RERGL: variants seen among roughly 807,000 people sequenced by gnomAD.
RERGL encodes RERG like, also known as ras-related and estrogen-regulated growth inhibitor-like protein.
In RERGL, 22 loss-of-function variants were observed where a neutral mutation model predicts 24.7. The ratio of observed to expected loss-of-function variants is 0.89; its 90% CI spans 0.64 to 1.27. RERGL has a LOEUF of 1.27. Ranked by LOEUF, RERGL falls within the 50% of genes most tolerant of loss-of-function variation. The pLI is 0.00. For missense variants in RERGL, 259 were observed against 235.3 expected (o/e 1.10, Z -0.66); for synonymous variants, 76 against 82.6 (o/e 0.92, Z 0.43).
At chr12:18,083,240 C>A (rs1422368058) in intron 4 of RERGL, among the ~76,000 whole-genome samples, 2 of 152,012 alleles carry the variant, frequency 1.3e-5, no homozygotes, top group African/African-American at 4.8e-5. Context: ...CTTTCCTAGT[C>A]TTTTTACAGA....
intron 2 of RERGL, among the ~76,000 whole-genome samples, chr12:18,088,228 C>A (rs1423295626): frequency 6.6e-6 from 1 of 151,958 alleles, no homozygotes; most frequent in Non-Finnish European, 1.5e-5. Flanking sequence ...AAGATATTAG[C>A]ACCATTATAT....
chr12:18,085,601 G>T lies in RERGL; in HGVS notation c.183+19C>A, dbSNP rs760002003. ...AATCAATAAATAAATCAATAAAAAA[G>T]GTGTTTTGTTTTACTTACTTGAGAA... On this transcript the variant is annotated intron_variant, in intron 3 of 4. Coordinates refer to ENST00000538724, the MANE Select transcript of RERGL (RefSeq NM_001286201.2). 6.5e-6 allele frequency: 9 copies of T among 1,386,200 alleles called. No homozygotes were observed. The highest frequency in any genetic ancestry group is 2.4e-5 in the East Asian group (1 of 42,188). 85.9% of individuals were successfully genotyped at this position (1,386,200 alleles called of 1,614,324 possible). A position where few individuals can be genotyped will look rare whatever the true frequency, so the allele number is the denominator to read the frequency against.
intron 1 of RERGL, 85 bp downstream of exon 1, chr12:18,090,004 A>T: frequency 1.1e-6 from 1 of 894,036 alleles, no homozygotes; most frequent in South Asian, 2.3e-5. Flanking sequence ...TGAAATATAT[A>T]TGAAATACGT....
chr12:18,088,759 C>G lies in RERGL; in HGVS notation c.109+141G>C, dbSNP rs1359105186. 3 of 667,118 alleles carry G rather than the reference C, an allele frequency of 4.5e-6. No homozygotes were observed. The Admixed American group carries it at 8.5e-5, about 19-fold the overall frequency. 41.3% of individuals were successfully genotyped at this position (667,118 alleles called of 1,614,324 possible). A position where few individuals can be genotyped will look rare whatever the true frequency, so the allele number is the denominator to read the frequency against. On this transcript the variant is annotated intron_variant, in intron 2 of 4. Coordinates refer to ENST00000538724, the MANE Select transcript of RERGL (RefSeq NM_001286201.2). ...AATTCAAGTACCTATTTTGGCAGTTCTAATCAGAATATGTGAATAAATAAA... is the reference window on the plus strand; with the variant it reads ...AATTCAAGTACCTATTTTGGCAGTTGTAATCAGAATATGTGAATAAATAAA...
chr12:18,082,155 A>AT (rs1555117860), intron 4 of RERGL, among the ~76,000 whole-genome samples: 21 of 151,520 alleles, frequency 1.4e-4, no homozygotes, highest in African/African-American at 2.7e-4. Context: ...AAAAAAAAAA[A>AT]AAAAGAATGA....
At position 18,084,694 on chromosome 12, in the gene RERGL, G is replaced by T; in HGVS notation, c.184-29C>A. The T allele has an allele frequency of 4.4e-6, 7 of 1,598,690 alleles. No individual in the cohort carries two copies. In the South Asian group the frequency reaches 7.9e-5, roughly 18 times the overall value. ...AAAATAAACCAAGTGCATTAAAAGT[G>T]GTGGGATCTAATACCTGTGTTTTTA... is the stretch of plus-strand genomic sequence containing the variant. On this transcript the variant is annotated intron_variant, in intron 3 of 4. Transcript: ENST00000538724.
At chr12:18,081,657 A>G (rs977979638) in intron 4 of RERGL, among the ~76,000 whole-genome samples, 184 bp from the exon 5 acceptor site, 7 of 152,174 alleles carry the variant, frequency 4.6e-5, no homozygotes, top group Admixed American at 4.6e-4. Context: ...AAATCATTTT[A>G]GATAAAATGT....
intron 4 of RERGL, among the ~76,000 whole-genome samples, chr12:18,082,022 C>G (rs11043841): frequency 6.6e-6 from 1 of 151,926 alleles, no homozygotes; most frequent in Non-Finnish European, 1.5e-5. Flanking sequence ...CACTTGTAGT[C>G]CCAGCTACTC....
chr12:18,089,373 A>G, intron 1 of RERGL: 1 of 1,414,824 alleles, frequency 7.1e-7, no homozygotes, highest in Non-Finnish European at 9.2e-7. Flanking sequence ...CAGTTATTTA[A>G]GGATGTAGGG....
Position 18,080,928 on chromosome 12 carries a change from G to A in RERGL, c.*263C>T. The A allele has an allele frequency of 3.6e-6, 1 of 277,040 alleles. No individual in the cohort carries two copies. The allele number at this position is 277,040 out of a possible 1,614,324, so 17.2% of individuals were successfully genotyped here. The stretch of plus-strand genomic sequence containing the variant: ...GAGTTTATTTGGCAAGGCAAACTGG[G>A]ATCGCTGTCCGCCAGTAGGTTAGGG... On this transcript the variant is annotated 3_prime_UTR_variant, in exon 5 of 5. Transcript: ENST00000538724.
rs529338984 is a variant in RERGL, at chr12:18,089,682, C to T, written c.52+407G>A. 2.2e-4 allele frequency among the ~76,000 whole-genome samples: 33 copies of T among 152,224 alleles called. 1 individual carries two copies. The South Asian group carries it at 6.6e-3, about 31-fold the overall frequency. On this transcript the variant is annotated intron_variant, in intron 1 of 4. Transcript: ENST00000538724. ...ATACAATCCACAAACCTCCAAACATCTCCCTACCCCAGTTTCAGAGCAGAT... is the reference window on the plus strand; with the variant it reads ...ATACAATCCACAAACCTCCAAACATTTCCCTACCCCAGTTTCAGAGCAGAT...
chr12:18,089,383 G>C, intron 1 of RERGL: 1 of 1,371,832 alleles, frequency 7.3e-7, no homozygotes. Context: ...AGGATGTAGG[G>C]ACCTACAAAT....
chr12:18,088,186 T>A (rs187433021), intron 2 of RERGL, among the ~76,000 whole-genome samples: 35 of 152,150 alleles, frequency 2.3e-4, no homozygotes, highest in African/African-American at 8.4e-4. Flanking sequence ...AAGAAAAAAA[T>A]TCATCTCCTC....
chr12:18,085,346 T>C (rs1018473153), intron 3 of RERGL, among the ~76,000 whole-genome samples: 2 of 152,186 alleles, frequency 1.3e-5, no homozygotes, highest in African/African-American at 4.8e-5. Flanking sequence ...CACTGTAACC[T>C]GATAGAAATA....
At chr12:18,083,373 G>A (rs1001946489) in intron 4 of RERGL, among the ~76,000 whole-genome samples, 1 of 152,138 alleles carries the variant, frequency 6.6e-6, no homozygotes, top group Non-Finnish European at 1.5e-5. Context: ...TGATTACTCT[G>A]ATTTGAAGAA....
At chr12:18,089,071 T>G in intron 1 of RERGL, 115 bp from the exon 2 acceptor site, 1 of 1,164,070 alleles carries the variant, frequency 8.6e-7, no homozygotes, top group Non-Finnish European at 1.2e-6. Context: ...TAATAAAGAC[T>G]TTAAAATTAG....
At chr12:18,084,257 A>G (rs1364445141) in intron 4 of RERGL, among the ~76,000 whole-genome samples, 1 of 152,190 alleles carries the variant, frequency 6.6e-6, no homozygotes, top group Non-Finnish European at 1.5e-5. Flanking sequence ...TTTGCAAGGG[A>G]GTGTCATGTT....
chr12:18,087,278 T>C (rs1310747520), intron 2 of RERGL, among the ~76,000 whole-genome samples: 1 of 152,142 alleles, frequency 6.6e-6, no homozygotes, highest in Non-Finnish European at 1.5e-5. Context: ...TGACTCCCCA[T>C]CTCTCAGAGG....
chr12:18,085,579 CAAT>C, intron 3 of RERGL, 38 bp downstream of exon 3: 7 of 1,272,834 alleles, frequency 5.5e-6, no homozygotes, highest in Non-Finnish European at 1.1e-6. Context: ...AAAAATCAAT[CAAT>C]AAATAAATCA....
Sources: allele counts gnomAD v4.1 joint callset (sites outside exome capture counted in the v4.1 genomes callset), GRCh38; gene constraint gnomAD v4.1.1; transcripts MANE v1.5; gene names NCBI Gene and HGNC (gene_info 2026-07-23, HGNC 2026-07-21).